Variants in RGS6 observed in about 807,000 individuals in gnomAD.
The protein encoded by RGS6 is regulator of G-protein signaling 6.
Under a neutral mutation model 78.5 loss-of-function variants are expected in RGS6, and 30 were observed. The observed-to-expected ratio is 0.38, with a 90% confidence interval of 0.29 to 0.52. The LOEUF is 0.52. Ranked by LOEUF, RGS6 falls within the 20% of genes least tolerant of loss-of-function variation. The pLI, the probability that RGS6 is intolerant of heterozygous loss-of-function variation, is 0.85. For synonymous variants in RGS6, 206 were observed against 206.0 expected (o/e 1.00, Z 0.00); for missense variants, 495 against 609.7 (o/e 0.81, Z 1.98).
chr14:72,588,481 A>G, the RGS6 span, among the ~76,000 whole-genome samples: 4 of 152,158 alleles, frequency 2.6e-5, no homozygotes, highest in African/African-American at 9.7e-5. Flanking sequence ...GGCAAATTCT[A>G]GTGAAAGTTG....
chr14:72,431,389 A>G (rs566184833), intron 3 of RGS6, among the ~76,000 whole-genome samples: 21 of 151,894 alleles, frequency 1.4e-4, no homozygotes, highest in Non-Finnish European at 2.6e-4. Context: ...GTCTCATTCC[A>G]TTGTCCAGGC....
chr14:72,291,930 A>G (rs1207376414), intron 2 of RGS6, among the ~76,000 whole-genome samples: 3 of 152,168 alleles, frequency 2.0e-5, no homozygotes, highest in Non-Finnish European at 4.4e-5. Flanking sequence ...AGTGCATCCC[A>G]TTATTAACCC....
chr14:72,340,078 A>G (rs576216190), intron 2 of RGS6, among the ~76,000 whole-genome samples: 1 of 152,166 alleles, frequency 6.6e-6, no homozygotes, highest in South Asian at 2.1e-4. Context: ...CCTAGCATGC[A>G]GTGAGTGCTC....
intron 2 of RGS6, among the ~76,000 whole-genome samples, chr14:72,093,848 TATTC>T (rs1236961352): frequency 2.0e-5 from 3 of 152,294 alleles, no homozygotes; most frequent in East Asian, 1.9e-4. Flanking sequence ...CAAAGCAGTT[TATTC>T]ATTCATTCAG....
intron 2 of RGS6, among the ~76,000 whole-genome samples, chr14:72,145,339 A>T (rs987441561): frequency 1.3e-5 from 2 of 152,222 alleles, no homozygotes; most frequent in Non-Finnish European, 2.9e-5. Flanking sequence ...ATTTTGCTTC[A>T]GAGTCAAACC....
chr14:72,016,728 T>C (rs2087079234), intron 2 of RGS6, among the ~76,000 whole-genome samples: 1 of 152,226 alleles, frequency 6.6e-6, no homozygotes. Flanking sequence ...CTTGGTCTTA[T>C]AGGTTTGGGT....
At position 71,948,738 on chromosome 14, in the gene RGS6, CTCT is replaced by C. The variant is rs1472831797; in HGVS notation, c.-21+15799_-21+15801del. 5.6e-3 allele frequency among the ~76,000 whole-genome samples: 418 copies of C among 75,208 alleles called. 3 individuals carry two copies. The highest frequency in any genetic ancestry group is 0.025 in the African/African-American group (385 of 15,128). The allele number at this position is 75,208 out of a possible 152,430, so 49.3% of individuals were successfully genotyped here. A position where few individuals can be genotyped will look rare whatever the true frequency, so the allele number is the denominator to read the frequency against. On this transcript the variant is annotated intron_variant, in intron 1 of 17. Transcript: ENST00000553525. Reference sequence around the variant, plus strand: ...AAGCTGATTTCCTTTCTCTCTCTCTCTCTTTTTTTTTTTTTTTTTTTTTTTTTT... The same window carrying C: ...AAGCTGATTTCCTTTCTCTCTCTCTCTTTTTTTTTTTTTTTTTTTTTTTTT...
At chr14:72,438,912 C>T (rs1289197299) in intron 3 of RGS6, among the ~76,000 whole-genome samples, 2 of 152,252 alleles carry the variant, frequency 1.3e-5, no homozygotes, top group African/African-American at 4.8e-5. Flanking sequence ...GGCCAACCTC[C>T]AGGCGTACGA....
the RGS6 span, among the ~76,000 whole-genome samples, chr14:71,903,558 TG>T: frequency 6.6e-6 from 1 of 152,174 alleles, no homozygotes; most frequent in Admixed American, 6.5e-5. Flanking sequence ...AGAGAGGTCC[TG>T]GGGTTAGTCA....
intron 2 of RGS6, among the ~76,000 whole-genome samples, chr14:72,269,012 C>A (rs1185050087): frequency 1.3e-5 from 2 of 152,176 alleles, no homozygotes; most frequent in Non-Finnish European, 2.9e-5. Context: ...CATCTTTCCA[C>A]CTGCTTCTGT....
At chr14:71,895,064 C>G in the RGS6 span, among the ~76,000 whole-genome samples, 80 of 151,074 alleles carry the variant, frequency 5.3e-4, 1 homozygote, top group Admixed American at 1.1e-3. Flanking sequence ...GCACCCAGCC[C>G]AAAGGTACTT....
At chr14:71,943,506 C>T (rs549879500) in intron 1 of RGS6, among the ~76,000 whole-genome samples, 1 of 152,162 alleles carries the variant, frequency 6.6e-6, no homozygotes, top group South Asian at 2.1e-4. Context: ...TGATGGACTC[C>T]CAAGTCTCTG....
At chr14:72,082,355 A>G (rs903375822) in intron 2 of RGS6, among the ~76,000 whole-genome samples, 4 of 151,870 alleles carry the variant, frequency 2.6e-5, no homozygotes, top group Admixed American at 6.6e-5. Flanking sequence ...GAGTTCTTTT[A>G]CCTCTTTGGT....
intron 2 of RGS6, among the ~76,000 whole-genome samples, chr14:72,309,430 C>G (rs1308170489): frequency 6.6e-6 from 1 of 152,188 alleles, no homozygotes; most frequent in Admixed American, 6.5e-5. Flanking sequence ...AATGACTAAG[C>G]AGATAAGTGA....
intron 2 of RGS6, among the ~76,000 whole-genome samples, chr14:72,028,960 G>A (rs577557289): frequency 1.3e-5 from 2 of 152,298 alleles, no homozygotes; most frequent in East Asian, 3.9e-4. Flanking sequence ...AACACATTAG[G>A]TGATTTCTAG....
At chr14:71,911,847 T>G in the RGS6 span, among the ~76,000 whole-genome samples, 1 of 152,156 alleles carries the variant, frequency 6.6e-6, no homozygotes, top group African/African-American at 2.4e-5. Context: ...AGACAGGAAT[T>G]AATGCTGAAC....
chr14:72,218,191 G>C (rs1291169238), intron 2 of RGS6, among the ~76,000 whole-genome samples: 1 of 152,076 alleles, frequency 6.6e-6, no homozygotes, highest in South Asian at 2.1e-4. Flanking sequence ...GGGGATGATA[G>C]ATGAGCAGAA....
At chr14:72,324,357 G>T (rs1292142486) in intron 2 of RGS6, among the ~76,000 whole-genome samples, 1 of 151,806 alleles carries the variant, frequency 6.6e-6, no homozygotes, top group African/African-American at 2.4e-5. Context: ...ATTTACAAAG[G>T]ACTATTCTTT....
downstream of RGS6, among the ~76,000 whole-genome samples, chr14:72,567,770 C>T (rs1348333592): frequency 6.6e-6 from 1 of 152,222 alleles, no homozygotes; most frequent in Non-Finnish European, 1.5e-5. Context: ...CTCTGAGAGG[C>T]ATATCCCCTC....
Sources: gnomAD v4.1 joint callset for allele counts (sites outside exome capture counted in the v4.1 genomes callset) on GRCh38, gnomAD v4.1.1 for gene constraint, MANE v1.5 for transcripts, NCBI Gene and HGNC (gene_info 2026-07-23, HGNC 2026-07-21) for gene names.